FAM153A: variants seen among roughly 807,000 people sequenced by gnomAD.
FAM153A encodes family with sequence similarity 153 member A.
FAM153A carries 12 observed loss-of-function variants against 48.1 expected under a neutral mutation model. The observed-to-expected ratio is 0.25, with a 90% CI of 0.16 to 0.40. The LOEUF (loss-of-function observed/expected upper bound fraction) is 0.40, where lower values mean the gene tolerates loss of function less well. Ranked by LOEUF, FAM153A falls within the 10% of genes least tolerant of loss-of-function variation. FAM153A has a pLI of 1.00. For synonymous variants in FAM153A, 36 were observed against 118.2 expected (o/e 0.30, Z 4.51); for missense variants, 111 against 345.8 (o/e 0.32, Z 5.38).
chr5:177,734,667 A>G (rs2014375), intron 13 of FAM153A, among the ~76,000 whole-genome samples, 196 bp downstream of exon 15: 17,251 of 142,238 alleles, frequency 0.12, 1,609 homozygotes, highest in African/African-American at 0.25. Flanking sequence ...GTTACACAAC[A>G]GGTGACTGAT....
At chr5:177,705,017 A>G (rs1177177720), downstream of FAM153A, among the ~76,000 whole-genome samples, 1 of 150,122 alleles carries the variant, frequency 6.7e-6, no homozygotes, top group African/African-American at 2.5e-5. Context: ...AAAAAAAATT[A>G]TATAGACTGG....
In FAM153A at chr5:177,739,186, C is replaced by G. The variant is rs374738439; in HGVS notation, c.538-49G>C. 1.6e-5 allele frequency: 25 copies of G among 1,602,092 alleles called. 1 individual carries two copies. The African/African-American group carries it at 3.2e-4, about 20-fold the overall frequency. On this transcript the variant is annotated intron_variant, in intron 9 of 20. Coordinates refer to ENST00000614127, the Ensembl canonical transcript of FAM153A. ...CCATGAGGGTAAGATCATGCTGTCT[C>G]TGTGCACAGGTCTTTTCTAAACTTG...
chr5:177,707,830 G>A (rs975081322), downstream of FAM153A, among the ~76,000 whole-genome samples: 5 of 151,800 alleles, frequency 3.3e-5, no homozygotes, highest in African/African-American at 1.2e-4. Context: ...CAAAGTGCTG[G>A]GATTATAGGT....
downstream of FAM153A, among the ~76,000 whole-genome samples, chr5:177,709,093 CAAAAAAAAAAAAAAAAAAAAAAAAAAAAA>C (rs56257501): frequency 2.9e-5 from 1 of 34,106 alleles, no homozygotes; most frequent in Non-Finnish European, 5.7e-5. Context: ...GACTCCGTCT[CAAAAAAAAAAAAAAAAAAAAAAAAAAAAA>C]AAAAAAAAAA....
chr5:177,698,839 G>A, the FAM153A span, among the ~76,000 whole-genome samples: 1 of 151,694 alleles, frequency 6.6e-6, no homozygotes, highest in East Asian at 1.9e-4. Context: ...TGTATTTTTG[G>A]TAGAGATGGG....
chr5:177,705,425 A>G (rs1757789468), downstream of FAM153A, among the ~76,000 whole-genome samples: 1 of 144,680 alleles, frequency 6.9e-6, no homozygotes, highest in South Asian at 2.1e-4. Context: ...AGGCCTTCCC[A>G]GAAGCAGAAG....
chr5:177,715,277 C>T (rs935830595), intron 25 of FAM153A, among the ~76,000 whole-genome samples: 18 of 149,778 alleles, frequency 1.2e-4, no homozygotes, highest in Admixed American at 2.0e-4. Context: ...CCACCGCACC[C>T]GGCCATCTCT....
At chr5:177,721,765 A>G (rs1358235041), downstream of FAM153A, 7 of 129,468 alleles carry the variant, frequency 5.4e-5, no homozygotes, top group African/African-American at 1.2e-4. Flanking sequence ...GGATCAAGCA[A>G]TCGTCCTGCT....
At chr5:177,722,735 CTG>C (rs551858551), downstream of FAM153A, among the ~76,000 whole-genome samples, 166 of 150,460 alleles carry the variant, frequency 1.1e-3, 1 homozygote, top group Non-Finnish European at 1.6e-3. Flanking sequence ...TGTCAAGGCA[CTG>C]AGCCCTGTGT....
the FAM153A span, among the ~76,000 whole-genome samples, chr5:177,702,578 A>G: frequency 2.0e-3 from 297 of 152,018 alleles, 16 homozygotes; most frequent in African/African-American, 6.8e-3. Flanking sequence ...GGGGAAAAGC[A>G]TAGAAGACAT....
chr5:177,739,040 G>A (rs1263507925), intron 10 of FAM153A, 73 bp downstream of exon 12: 49 of 1,340,610 alleles, frequency 3.7e-5, no homozygotes, highest in Non-Finnish European at 4.6e-5. Context: ...TCCAGAAAAC[G>A]CAGGCAAGAA....
At chr5:177,696,810 G>A in the FAM153A span, among the ~76,000 whole-genome samples, 89 of 151,664 alleles carry the variant, frequency 5.9e-4, 2 homozygotes, top group African/African-American at 2.1e-3. Flanking sequence ...GATACTATAA[G>A]CATGAGCCAT....
chr5:177,765,409 C>G (rs1327076273), intron 1 of FAM153A, among the ~76,000 whole-genome samples: 5 of 109,144 alleles, frequency 4.6e-5, no homozygotes, highest in South Asian at 3.3e-4. Flanking sequence ...CATGGGCTGG[C>G]CCCAGTGAGG....
upstream of FAM153A, among the ~76,000 whole-genome samples, chr5:177,757,540 A>T (rs879824814): frequency 0.064 from 9,497 of 147,412 alleles, 16 homozygotes; most frequent in Non-Finnish European, 0.077. Context: ...AGACTTTTAG[A>T]CCCATATCCC....
At chr5:177,702,838 G>A in the FAM153A span, among the ~76,000 whole-genome samples, 1 of 151,914 alleles carries the variant, frequency 6.6e-6, no homozygotes, top group Non-Finnish European at 1.5e-5. Flanking sequence ...TGCAAGAGTT[G>A]AGGCTTTGGA....
intron 14 of FAM153A, among the ~76,000 whole-genome samples, chr5:177,733,444 G>A (rs1268420961): frequency 1.4e-5 from 2 of 140,066 alleles, no homozygotes; most frequent in Non-Finnish European, 3.1e-5. Flanking sequence ...TGACTAGGCT[G>A]AGGGATACAA....
chr5:177,732,990 T>TC (rs2127633291), intron 14 of FAM153A, among the ~76,000 whole-genome samples: 1 of 129,710 alleles, frequency 7.7e-6, no homozygotes, highest in East Asian at 2.5e-4. Flanking sequence ...CTTCTGCTCT[T>TC]CCTTTTAACA....
chr5:177,700,082 T>G, the FAM153A span, among the ~76,000 whole-genome samples: 1 of 151,972 alleles, frequency 6.6e-6, no homozygotes, highest in East Asian at 1.9e-4. Flanking sequence ...TACACCATAT[T>G]AATAGAATAA....
At chr5:177,743,692 G>A (rs1345901267) in intron 6 of FAM153A, among the ~76,000 whole-genome samples, 1 of 73,386 alleles carries the variant, frequency 1.4e-5, no homozygotes, top group Non-Finnish European at 2.6e-5. Flanking sequence ...ATGGGTGGTG[G>A]AGGGTCAATT....
Sources: gnomAD v4.1 joint callset for allele counts (sites outside exome capture counted in the v4.1 genomes callset) on GRCh38, gnomAD v4.1.1 for gene constraint, MANE v1.5 for transcripts, NCBI Gene and HGNC (gene_info 2026-07-23, HGNC 2026-07-21) for gene names.